C1QTNF3: variants seen among roughly 807,000 people sequenced by gnomAD.
The protein encoded by C1QTNF3 is C1q and TNF related 3.
Under a neutral mutation model 32.6 loss-of-function variants are expected in C1QTNF3, and 26 were observed. That is an observed-to-expected ratio of 0.80 (90% CI 0.58 to 1.11). The LOEUF (loss-of-function observed/expected upper bound fraction) is 1.11. Ranked by LOEUF, C1QTNF3 falls within the 50% of genes least tolerant of loss-of-function variation. C1QTNF3 has a pLI of 0.00. For synonymous variants in C1QTNF3, 155 were observed against 146.0 expected (o/e 1.06, Z -0.44); for missense variants, 362 against 398.2 (o/e 0.91, Z 0.77).
the C1QTNF3 span, among the ~76,000 whole-genome samples, chr5:34,143,006 A>C: frequency 6.6e-6 from 1 of 152,216 alleles, no homozygotes; most frequent in Admixed American, 6.5e-5. Flanking sequence ...CTTAGGATAA[A>C]ATTAAAACCC....
the C1QTNF3 span, among the ~76,000 whole-genome samples, chr5:34,215,834 T>A: frequency 0.037 from 5,648 of 152,234 alleles, 355 homozygotes; most frequent in African/African-American, 0.13. Flanking sequence ...GATCTCACTA[T>A]GTTGACCAGG....
the C1QTNF3 span, among the ~76,000 whole-genome samples, chr5:34,131,691 A>T: frequency 6.6e-6 from 1 of 152,222 alleles, no homozygotes; most frequent in Admixed American, 6.5e-5. Context: ...CTAGAGACAA[A>T]TAAGTTCTAG....
the C1QTNF3 span, among the ~76,000 whole-genome samples, chr5:34,061,510 G>A: frequency 3.3e-5 from 5 of 152,176 alleles, no homozygotes; most frequent in Non-Finnish European, 4.4e-5. Flanking sequence ...TGCAGCAAAC[G>A]TCTGCCTGGA....
chr5:34,138,497 GTTTTT>G, the C1QTNF3 span, among the ~76,000 whole-genome samples: 5 of 150,608 alleles, frequency 3.3e-5, no homozygotes, highest in Admixed American at 3.3e-4. Context: ...TTGAGTATTT[GTTTTT>G]TTTTATAAAT....
the C1QTNF3 span, among the ~76,000 whole-genome samples, chr5:34,157,013 A>G: frequency 3.9e-5 from 6 of 152,228 alleles, no homozygotes; most frequent in African/African-American, 1.4e-4. Flanking sequence ...ACAATTGGTT[A>G]GCATTATTCA....
the C1QTNF3 span, chr5:34,167,530 A>C: frequency 6.6e-6 from 1 of 152,188 alleles, no homozygotes; most frequent in African/African-American, 2.4e-5. Flanking sequence ...TGATTAGTCC[A>C]CTTAAAAACC....
At chr5:34,046,814 C>T (rs747879102), upstream of C1QTNF3, among the ~76,000 whole-genome samples, 26 of 152,132 alleles carry the variant, frequency 1.7e-4, no homozygotes, top group Non-Finnish European at 2.8e-4. Flanking sequence ...ATCTTGTACA[C>T]GCAGAGATGA....
chr5:34,077,552 G>C, the C1QTNF3 span, among the ~76,000 whole-genome samples: 1 of 151,390 alleles, frequency 6.6e-6, no homozygotes, highest in Non-Finnish European at 1.5e-5. Flanking sequence ...AAAATCTTAA[G>C]TTTTCTTAAA....
At chr5:34,241,118 C>G in the C1QTNF3 span, among the ~76,000 whole-genome samples, 1 of 151,332 alleles carries the variant, frequency 6.6e-6, no homozygotes, top group Non-Finnish European at 1.5e-5. Context: ...ACAGTTGAGG[C>G]TTCAAATAAG....
chr5:34,074,012 AAT>A, the C1QTNF3 span, among the ~76,000 whole-genome samples: 2 of 152,208 alleles, frequency 1.3e-5, no homozygotes, highest in African/African-American at 4.8e-5. Flanking sequence ...TATGAGAAAC[AAT>A]AGTGATTGTC....
the C1QTNF3 span, among the ~76,000 whole-genome samples, chr5:34,064,684 G>A: frequency 6.6e-6 from 1 of 152,316 alleles, no homozygotes; most frequent in East Asian, 1.9e-4. Context: ...GCAAACAGCA[G>A]TGGTGGATGG....
At chr5:34,208,346 A>G in the C1QTNF3 span, among the ~76,000 whole-genome samples, 1 of 152,248 alleles carries the variant, frequency 6.6e-6, no homozygotes, top group African/African-American at 2.4e-5. Flanking sequence ...GTCCTCTCTT[A>G]TAATTGTGCT....
chr5:34,068,634 C>A, the C1QTNF3 span, among the ~76,000 whole-genome samples: 1 of 151,834 alleles, frequency 6.6e-6, no homozygotes, highest in Non-Finnish European at 1.5e-5. Flanking sequence ...TTTCCATAAG[C>A]TTAGTTACAT....
the C1QTNF3 span, among the ~76,000 whole-genome samples, chr5:34,127,100 C>CT: frequency 6.6e-6 from 1 of 152,134 alleles, no homozygotes; most frequent in African/African-American, 2.4e-5. Context: ...TCAATTAAAA[C>CT]TTTTTTTTAT....
chr5:34,200,972 T>A, the C1QTNF3 span: 2 of 151,960 alleles, frequency 1.3e-5, no homozygotes, highest in African/African-American at 2.4e-5. Context: ...ACATCCTAAA[T>A]TTGCTTATAT....
chr5:34,170,847 T>C, the C1QTNF3 span, among the ~76,000 whole-genome samples: 1 of 152,128 alleles, frequency 6.6e-6, no homozygotes, highest in East Asian at 1.9e-4. Context: ...AATTAAAATT[T>C]AAAGAATCTT....
chr5:34,066,114 T>C, the C1QTNF3 span, among the ~76,000 whole-genome samples: 1 of 152,378 alleles, frequency 6.6e-6, no homozygotes, highest in Middle Eastern at 3.4e-3. Flanking sequence ...ATCATTTTGC[T>C]TTTTAACATG....
chr5:34,061,868 A>G, the C1QTNF3 span, among the ~76,000 whole-genome samples: 3 of 152,178 alleles, frequency 2.0e-5, no homozygotes, highest in Non-Finnish European at 4.4e-5. Flanking sequence ...GGGGATTAAC[A>G]TTTGGCTCCT....
the C1QTNF3 span, among the ~76,000 whole-genome samples, chr5:34,072,884 G>T: frequency 6.6e-6 from 1 of 152,042 alleles, no homozygotes; most frequent in Non-Finnish European, 1.5e-5. Context: ...TTAGACATTT[G>T]TTACTGAGAA....
Sources: gnomAD v4.1 joint callset for allele counts (sites outside exome capture counted in the v4.1 genomes callset) on GRCh38, gnomAD v4.1.1 for gene constraint, MANE v1.5 for transcripts, NCBI Gene and HGNC (gene_info 2026-07-23, HGNC 2026-07-21) for gene names.